Variants in ELF1 observed in about 807,000 individuals in gnomAD.
ELF1 encodes the protein ETS-related transcription factor Elf-1.
ELF1 carries 24 observed loss-of-function variants against 59.9 expected under a neutral mutation model. The ratio of observed to expected loss-of-function variants is 0.40; its 90% CI spans 0.29 to 0.56. The LOEUF is 0.56. Among genes scored for constraint, ELF1 ranks in the 20% least tolerant of loss-of-function variants. ELF1 has a pLI of 0.44. For synonymous variants in ELF1, 248 were observed against 266.2 expected, an observed-to-expected ratio of 0.93 and a Z score of 0.67; for missense variants, 627 against 742.2, an observed-to-expected ratio of 0.84 and a Z score of 1.80.
chr13:40,963,715 T>C (rs8001208), intron 2 of ELF1, among the ~76,000 whole-genome samples: 82,901 of 151,982 alleles, frequency 0.55, 25,764 homozygotes, highest in Non-Finnish European at 0.69. Context: ...GAGAACATCC[T>C]GGCCAACATG....
In ELF1 at chr13:41,039,179, C is replaced by T. The variant is rs61183563; in HGVS notation, c.-229+21659G>A. ...CTTTGGAAGGCCGAGGTAGGTGGAT[C>T]GCTTGAGCCCAAGAGATTGAGACCA... On this transcript the variant is annotated intron_variant, in intron 1 of 1. Coordinates refer to the ELF1 transcript ENST00000405737. 9.8e-3 allele frequency among the ~76,000 whole-genome samples: 1,493 copies of T among 151,848 alleles called. 25 individuals are homozygous for T. Among genetic ancestry groups the T allele is most frequent in the African/African-American group, 0.035 (1,435 of 41,392 alleles).
chr13:40,977,896 T>C (rs999681745), intron 2 of ELF1, among the ~76,000 whole-genome samples: 1 of 152,198 alleles, frequency 6.6e-6, no homozygotes, highest in African/African-American at 2.4e-5. Context: ...CTGAAGCCTG[T>C]ACACATGGTA....
rs183004047 is a variant in ELF1 at position 41,031,169 on chromosome 13, A to G, written c.-229+29669T>C. Among the ~76,000 whole-genome samples the G allele has an allele frequency of 2.4e-3, 357 of 147,642 alleles. 2 individuals carry two copies. The highest frequency in any genetic ancestry group is 6.4e-3 in the Admixed American group (96 of 15,062). On this transcript the variant is annotated intron_variant, in intron 1 of 1. Transcript: ENST00000405737. Reference sequence around the variant, plus strand: ...GTGAGACCCTATTAAAAAAAAAAAAAAGAAAGAAAGAAAGAAAAAAAGAAA... The same window carrying G: ...GTGAGACCCTATTAAAAAAAAAAAAGAGAAAGAAAGAAAGAAAAAAAGAAA...
chr13:41,025,747 C>T (rs1380368775), intron 1 of ELF1, among the ~76,000 whole-genome samples: 1 of 152,184 alleles, frequency 6.6e-6, no homozygotes, highest in African/African-American at 2.4e-5. Flanking sequence ...CCCTATTCGG[C>T]CTGTGCAGAA....
chr13:40,978,377 CA>C (rs68036241), intron 2 of ELF1, among the ~76,000 whole-genome samples: 9 of 128,780 alleles, frequency 7.0e-5, no homozygotes, highest in Non-Finnish European at 1.0e-4. Flanking sequence ...GACTCAGTCT[CA>C]AAAAAAAAAC....
Position 41,009,416 on chromosome 13 carries a change from T to C in ELF1, c.-229+9812A>G, listed in dbSNP as rs530796480. On this transcript the variant is annotated intron_variant, in intron 1 of 8. Transcript: ENST00000239882. The stretch of plus-strand genomic sequence containing the variant: ...CCTACACCAAGAACTGAAAGGCACA[T>C]AGACTTTCAAAGCATTTGATATCAT... Among the ~76,000 whole-genome samples the C allele has an allele frequency of 3.3e-5, 5 of 152,270 alleles. No individual in the cohort carries two copies. In the East Asian group the frequency reaches 7.7e-4, roughly 23 times the overall value.
In ELF1 at chr13:40,957,508, T is replaced by TA. The variant is rs963016081; in HGVS notation, c.253+1327dup. On this transcript the variant is annotated intron_variant, in intron 3 of 8. Transcript: ENST00000239882. ...TTGAGAAAAAATAAATTTGTGCATTTAAAAAAAAAAAAAAGAAAAAAAAGA... is the reference window on the plus strand; with the variant it reads ...TTGAGAAAAAATAAATTTGTGCATTTAAAAAAAAAAAAAAAGAAAAAAAAGA... Among the ~76,000 whole-genome samples the TA allele has an allele frequency of 8.1e-3, 1,110 of 136,872 alleles. 9 individuals are homozygous for TA. The highest frequency in any genetic ancestry group is 0.016 in the South Asian group (71 of 4,310). 89.8% of individuals were successfully genotyped at this position (136,872 alleles called of 152,430 possible). A position where few individuals can be genotyped will look rare whatever the true frequency, so the allele number is the denominator to read the frequency against.
intron 1 of ELF1, among the ~76,000 whole-genome samples, chr13:40,998,369 A>C (rs1010403178): frequency 6.6e-6 from 1 of 152,192 alleles, no homozygotes; most frequent in African/African-American, 2.4e-5. Flanking sequence ...TACCTATACT[A>C]TTCAGTACAG....
At chr13:41,058,330 CT>C (rs1293529032) in intron 1 of ELF1, among the ~76,000 whole-genome samples, 2 of 152,208 alleles carry the variant, frequency 1.3e-5, no homozygotes, top group Non-Finnish European at 2.9e-5. Context: ...CTTGTTCCCC[CT>C]ACCTCAGCTT....
chr13:41,051,661 T>A (rs530957792), intron 1 of ELF1, among the ~76,000 whole-genome samples: 1 of 152,098 alleles, frequency 6.6e-6, no homozygotes, highest in African/African-American at 2.4e-5. Context: ...CAAAAAACTT[T>A]AAGTAATAAG....
intron 5 of ELF1, among the ~76,000 whole-genome samples, chr13:40,945,208 C>T (rs2138141569): frequency 6.6e-6 from 1 of 152,290 alleles, no homozygotes; most frequent in African/African-American, 2.4e-5. Flanking sequence ...TTTATTTCCA[C>T]TACTTTCCTC....
intron 1 of ELF1, among the ~76,000 whole-genome samples, chr13:41,040,414 A>G (rs1481145575): frequency 2.6e-5 from 4 of 152,322 alleles, no homozygotes; most frequent in African/African-American, 7.2e-5. Flanking sequence ...TTATATATGC[A>G]TGATCTACAT....
intron 2 of ELF1, among the ~76,000 whole-genome samples, chr13:40,979,271 T>C (rs943185991): frequency 4.9e-4 from 75 of 152,230 alleles, no homozygotes; most frequent in African/African-American, 1.8e-3. Flanking sequence ...ATATTAGCTA[T>C]GAGCCAGACA....
In ELF1 at chr13:40,990,263, TAA is replaced by T. The variant is rs1241245560; in HGVS notation, c.-228-7983_-228-7982del. Among the ~76,000 whole-genome samples, 5 of 152,328 alleles carry T rather than the reference TAA, an allele frequency of 3.3e-5. No individual in the cohort carries two copies. In the South Asian group the frequency reaches 8.3e-4, roughly 25 times the overall value. On this transcript the variant is annotated intron_variant, in intron 1 of 8. Coordinates refer to ENST00000239882, the MANE Select transcript of ELF1 (RefSeq NM_172373.4). The stretch of plus-strand genomic sequence containing the variant: ...AATGCACTAAGCAAAACTACCAGTT[TAA>T]GTTACCTCTTATGACAATGAGTAAG...
intron 8 of ELF1, among the ~76,000 whole-genome samples, chr13:40,938,766 CAG>C (rs1375521364): frequency 6.6e-6 from 1 of 151,350 alleles, no homozygotes; most frequent in Non-Finnish European, 1.5e-5. Flanking sequence ...CTCTCAACCA[CAG>C]GGAAAAAAGT....
intron 1 of ELF1, among the ~76,000 whole-genome samples, chr13:41,036,245 G>A (rs1174637304): frequency 6.6e-6 from 1 of 152,006 alleles, no homozygotes; most frequent in African/African-American, 2.4e-5. Context: ...ATTAGAAGCA[G>A]GCAGCTAAGT....
chr13:41,018,262 G>A (rs1875534261), intron 1 of ELF1, among the ~76,000 whole-genome samples: 1 of 152,076 alleles, frequency 6.6e-6, no homozygotes. Flanking sequence ...AGAACTTTAA[G>A]GCACAGTAGG....
intron 8 of ELF1, among the ~76,000 whole-genome samples, chr13:40,938,948 C>A (rs1284140305): frequency 5.9e-5 from 9 of 152,074 alleles, no homozygotes. Context: ...TTTTTCCATA[C>A]TTTGAAATTT....
intron 3 of ELF1, among the ~76,000 whole-genome samples, chr13:40,955,611 G>T (rs1871292698): frequency 1.7e-5 from 1 of 60,554 alleles, no homozygotes; most frequent in Non-Finnish European, 3.6e-5. Context: ...CCTCTGCCTG[G>T]CCGCCCCTAC....
Sources: gnomAD v4.1 joint callset for allele counts (sites outside exome capture counted in the v4.1 genomes callset) on GRCh38, gnomAD v4.1.1 for gene constraint, MANE v1.5 for transcripts, NCBI Gene and HGNC (gene_info 2026-07-23, HGNC 2026-07-21) for gene names.